RAD23B: variants seen among roughly 807,000 people sequenced by gnomAD.
RAD23B encodes RAD23 nucleotide excision repair protein B, also known as lysine-specific demethylase RAD23B.
RAD23B carries 5 observed loss-of-function variants against 49.1 expected under a neutral mutation model. That is an observed-to-expected ratio of 0.10 (90% CI 0.05 to 0.21). The LOEUF (loss-of-function observed/expected upper bound fraction) is 0.21. Ranked by LOEUF, RAD23B falls within the 10% of genes least tolerant of loss-of-function variation. The probability of loss-of-function intolerance (pLI) is 1.00; values close to 1 mark genes in which losing one functional copy is unlikely to be tolerated. For synonymous variants in RAD23B, 184 were observed against 165.4 expected (o/e 1.11, Z -0.86); for missense variants, 356 against 486.7 (o/e 0.73, Z 2.53).
intron 1 of RAD23B, among the ~76,000 whole-genome samples, chr9:107,297,385 G>C (rs1826550402): frequency 6.6e-6 from 1 of 151,986 alleles, no homozygotes; most frequent in South Asian, 2.1e-4. Context: ...TGTCATCCAG[G>C]CTGGAGTGCA....
intron 6 of RAD23B, among the ~76,000 whole-genome samples, chr9:107,321,255 TTAAG>T (rs10560297): frequency 1.1e-3 from 1 of 916 alleles, no homozygotes; most frequent in Non-Finnish European, 2.2e-3. Context: ...TTGAGATACT[TTAAG>T]TATCTCATTT....
intron 1 of RAD23B, among the ~76,000 whole-genome samples, chr9:107,298,680 C>G (rs2133072103): frequency 6.6e-6 from 1 of 150,630 alleles, no homozygotes; most frequent in East Asian, 1.9e-4. Flanking sequence ...TTAAAACAAA[C>G]TTTATTAATG....
At chr9:107,320,113 C>T (rs1159552513) in intron 6 of RAD23B, among the ~76,000 whole-genome samples, 1 of 152,212 alleles carries the variant, frequency 6.6e-6, no homozygotes, top group Non-Finnish European at 1.5e-5. Flanking sequence ...TACTCTGCCT[C>T]CACCATTTAT....
chr9:107,321,944 C>T, intron 6 of RAD23B, 39 bp from the exon 7 acceptor site: 2 of 1,548,960 alleles, frequency 1.3e-6, no homozygotes, highest in Non-Finnish European at 8.7e-7. Flanking sequence ...TTTAATTTTG[C>T]ATGATGGGAT....
chr9:107,309,371 G>A (rs901272057), intron 4 of RAD23B, among the ~76,000 whole-genome samples: 3 of 152,190 alleles, frequency 2.0e-5, no homozygotes, highest in African/African-American at 7.2e-5. Context: ...TTGAGGCTTT[G>A]TTATTGAGTG....
chr9:107,284,653 A>G lies in RAD23B; in HGVS notation c.66+958A>G, dbSNP rs986112100. 8.6e-5 allele frequency: 87 copies of G among 1,015,126 alleles called. 1 individual carries two copies. In the African/African-American group the frequency reaches 1.2e-3, roughly 14 times the overall value. 62.9% of individuals were successfully genotyped at this position (1,015,126 alleles called of 1,614,324 possible). A position where few individuals can be genotyped will look rare whatever the true frequency, so the allele number is the denominator to read the frequency against. On this transcript the variant is annotated intron_variant, in intron 1 of 9. Coordinates refer to ENST00000358015, the MANE Select transcript of RAD23B (RefSeq NM_002874.5). ...AAGAATCTAAAAACGCTGTGAGTGT[A>G]AATTTACTGCTTATGTTCGGAAATA...
At chr9:107,321,852 A>C in intron 6 of RAD23B, 131 bp from the exon 7 acceptor site, 2 of 1,024,820 alleles carry the variant, frequency 2.0e-6, no homozygotes, top group Non-Finnish European at 2.7e-6. Flanking sequence ...CTTTACTTTT[A>C]ATTGAAGCAG....
intron 1 of RAD23B, among the ~76,000 whole-genome samples, chr9:107,289,110 CCCTCCCTT>C (rs1375523712): frequency 7.1e-5 from 8 of 112,384 alleles, no homozygotes; most frequent in Non-Finnish European, 1.0e-4. Flanking sequence ...TTCCCTCCCT[CCCTCCCTT>C]CCCCCTTCCC....
chr9:107,316,034 A>G (rs1826986468), intron 5 of RAD23B, among the ~76,000 whole-genome samples: 1 of 147,482 alleles, frequency 6.8e-6, no homozygotes, highest in African/African-American at 2.5e-5. Flanking sequence ...TTTTTTGGAG[A>G]CAGTCTTGCT....
chr9:107,300,916 T>C (rs11573662), intron 2 of RAD23B, among the ~76,000 whole-genome samples: 18,434 of 152,248 alleles, frequency 0.12, 1,175 homozygotes, highest in South Asian at 0.15. Context: ...AATGCTAACC[T>C]GGTGATTCAG....
intron 1 of RAD23B, among the ~76,000 whole-genome samples, chr9:107,296,034 A>G (rs1220560168): frequency 6.6e-6 from 1 of 152,224 alleles, no homozygotes; most frequent in African/African-American, 2.4e-5. Flanking sequence ...AGCTGGTAGG[A>G]ACAGGAGATT....
At chr9:107,322,223 G>A (rs1039705040) in intron 7 of RAD23B, 105 bp downstream of exon 7, 9 of 1,332,294 alleles carry the variant, frequency 6.8e-6, no homozygotes, top group African/African-American at 3.0e-5. Flanking sequence ...CAGAGCAGTC[G>A]AATAATTCGT....
intron 9 of RAD23B, among the ~76,000 whole-genome samples, chr9:107,326,251 C>A (rs1055482735): frequency 7.9e-5 from 12 of 151,746 alleles, no homozygotes; most frequent in African/African-American, 2.9e-4. Flanking sequence ...ATTATTCTCT[C>A]CTGTTGTCTG....
chr9:107,330,080 T>TTGTG lies in RAD23B; in HGVS notation c.*424_*425insTGTG, dbSNP rs1827280732. 6.5e-5 allele frequency: 10 copies of TTGTG among 152,876 alleles called. No homozygotes were observed. Among genetic ancestry groups the TTGTG allele is most frequent in the Admixed American group, 5.2e-4 (8 of 15,304 alleles). The allele number at this position is 152,876 out of a possible 1,614,324, so 9.5% of individuals were successfully genotyped here. On this transcript the variant is annotated 3_prime_UTR_variant, in exon 10 of 10. Transcript: ENST00000358015. The surrounding 1 kb of genome is among the most constrained non-coding windows in gnomAD (Gnocchi z 4.4). ...GTCTCTGTTTCATGGCAACACTGGATAATGGCTTTGTGAAATTTAAAAAAT... is the reference window on the plus strand; with the variant it reads ...GTCTCTGTTTCATGGCAACACTGGATTGTGAATGGCTTTGTGAAATTTAAAAAAT...
rs368430785 is a variant in RAD23B at position 107,305,901 on chromosome 9, G to C, written c.229-478G>C. Among the ~76,000 whole-genome samples, 12 of 151,570 alleles carry C rather than the reference G, an allele frequency of 7.9e-5. No individual in the cohort carries two copies. In the South Asian group the frequency reaches 2.5e-3, roughly 32 times the overall value. ...GTGGTGGGAGGATTGCTTCAGGCCC[G>C]GAGTTCAAGACCAGCCTGGGCAAGG... On this transcript the variant is annotated intron_variant, in intron 3 of 9. Transcript: ENST00000358015.
chr9:107,311,239 G>T (rs182542805), intron 4 of RAD23B, among the ~76,000 whole-genome samples: 32 of 152,140 alleles, frequency 2.1e-4, no homozygotes, highest in Middle Eastern at 3.4e-3. Flanking sequence ...TTACCTATAA[G>T]ACTTCATTAT....
intron 8 of RAD23B, among the ~76,000 whole-genome samples, chr9:107,324,283 T>C (rs978353554): frequency 8.5e-5 from 13 of 152,340 alleles, no homozygotes; most frequent in African/African-American, 2.9e-4. Context: ...CACTACACAT[T>C]AATATGTTAA....
rs1206271713 is a variant in RAD23B, at chr9:107,329,667, T to A, written c.*11T>A. The A allele has an allele frequency of 6.4e-7, 1 of 1,560,450 alleles. No individual in the cohort carries two copies. Among genetic ancestry groups the A allele is most frequent in the Non-Finnish European group, 8.8e-7 (1 of 1,131,690 alleles). ...TTTGATGAAGATTGAAAGGGACTTT[T>A]TTATATCTCACACTTCACACCAGTG... On this transcript the variant is annotated 3_prime_UTR_variant, in exon 10 of 10. Transcript: ENST00000358015.
At chr9:107,288,086 A>G (rs1373194167) in intron 1 of RAD23B, among the ~76,000 whole-genome samples, 3 of 152,224 alleles carry the variant, frequency 2.0e-5, no homozygotes, top group African/African-American at 4.8e-5. Context: ...TTGGCAGAAC[A>G]AGATACAGGA....
Sources: allele counts gnomAD v4.1 joint callset (sites outside exome capture counted in the v4.1 genomes callset), GRCh38; gene constraint gnomAD v4.1.1; non-coding constraint Gnocchi (gnomAD v3.1); transcripts MANE v1.5; gene names NCBI Gene and HGNC (gene_info 2026-07-23, HGNC 2026-07-21).